PTPRN2: variants seen among roughly 807,000 people sequenced by gnomAD.
PTPRN2 encodes the protein protein tyrosine phosphatase receptor type N2.
A neutral mutation model predicts 118.8 loss-of-function variants in PTPRN2; 74 were observed. That is an observed-to-expected ratio of 0.62 (90% CI 0.52 to 0.76). The LOEUF (loss-of-function observed/expected upper bound fraction) is 0.76. Ranked by LOEUF, PTPRN2 falls within the 30% of genes least tolerant of loss-of-function variation. The pLI is 0.00. For missense variants in PTPRN2, 1,481 were observed against 1,394.4 expected, an observed-to-expected ratio of 1.06 and a Z score of -0.99; for synonymous variants, 641 against 608.0, an observed-to-expected ratio of 1.05 and a Z score of -0.80.
chr7:158,261,227 G>A (rs554167185), intron 3 of PTPRN2, among the ~76,000 whole-genome samples: 6 of 152,130 alleles, frequency 3.9e-5, no homozygotes, highest in African/African-American at 7.2e-5. Context: ...GGCCAGGGTC[G>A]GCCTGCATGC....
At chr7:158,035,131 G>A (rs1480021173) in intron 11 of PTPRN2, among the ~76,000 whole-genome samples, 1 of 152,242 alleles carries the variant, frequency 6.6e-6, no homozygotes, top group Admixed American at 6.5e-5. Flanking sequence ...GATAGTCAGT[G>A]TGTTTACACG....
intron 12 of PTPRN2, among the ~76,000 whole-genome samples, chr7:157,705,647 A>T (rs965872070): frequency 6.9e-6 from 1 of 144,298 alleles, no homozygotes; most frequent in African/African-American, 2.6e-5. Context: ...CCTTCCAGAT[A>T]AATGCGGATC....
chr7:158,054,374 C>A (rs1339039078), intron 11 of PTPRN2, among the ~76,000 whole-genome samples: 2 of 152,156 alleles, frequency 1.3e-5, no homozygotes, highest in Non-Finnish European at 2.9e-5. Context: ...GAAAGAAAGG[C>A]CACACCCTTT....
At chr7:158,161,275 A>T (rs1270447959) in intron 6 of PTPRN2, among the ~76,000 whole-genome samples, 2 of 152,234 alleles carry the variant, frequency 1.3e-5, no homozygotes, top group Non-Finnish European at 1.5e-5. Context: ...ACAATACTGA[A>T]GAAGAACAAA....
At chr7:157,980,158 C>T (rs774115186) in intron 11 of PTPRN2, among the ~76,000 whole-genome samples, 3 of 152,194 alleles carry the variant, frequency 2.0e-5, no homozygotes, top group Non-Finnish European at 4.4e-5. Context: ...CATATTATTA[C>T]ATCACTGAGG....
At chr7:158,102,403 C>T (rs899232465) in intron 10 of PTPRN2, among the ~76,000 whole-genome samples, 1 of 152,212 alleles carries the variant, frequency 6.6e-6, no homozygotes. Context: ...GGTGCAACAG[C>T]TTCCTCCCTC....
In PTPRN2 at chr7:158,546,125, C is replaced by A. The variant is rs1826265484; in HGVS notation, c.112+41433G>T. On this transcript the variant is annotated intron_variant, in intron 1 of 22. Transcript: ENST00000389418. The surrounding 1 kb of genome is among the most constrained non-coding windows in gnomAD (Gnocchi z 5.0). ...CAAACACGTGAGCCAGGTGAAGGGT[C>A]ATGCAGAAAAGCAGGACTGGGTGTG... Among the ~76,000 whole-genome samples, 2 of 152,184 alleles carry A rather than the reference C, an allele frequency of 1.3e-5. No individual in the cohort carries two copies. Among genetic ancestry groups the A allele is most frequent in the Admixed American group, 1.3e-4 (2 of 15,284 alleles).
chr7:158,079,176 T>A lies in PTPRN2; in HGVS notation c.1723+2122A>T, dbSNP rs189639231. ...TCTTATATAGCATCAGGCACGTTCATGACACCATAGAATTATTCAAAATAA... is the reference window on the plus strand; with the variant it reads ...TCTTATATAGCATCAGGCACGTTCAAGACACCATAGAATTATTCAAAATAA... On this transcript the variant is annotated intron_variant, in intron 11 of 22. Coordinates refer to ENST00000389418, the MANE Select transcript of PTPRN2 (RefSeq NM_002847.5). 2.7e-3 allele frequency among the ~76,000 whole-genome samples: 415 copies of A among 152,350 alleles called. 2 individuals are homozygous for A. The highest frequency in any genetic ancestry group is 6.8e-3 in the Middle Eastern group (2 of 294).
At chr7:158,454,214 A>ATGGT (rs1429504561) in intron 2 of PTPRN2, among the ~76,000 whole-genome samples, 14 of 152,096 alleles carry the variant, frequency 9.2e-5, no homozygotes, top group Non-Finnish European at 2.1e-4. Context: ...AGGATTGGGG[A>ATGGT]TGGTTGCTAC....
chr7:158,400,996 C>T (rs1812903678), intron 2 of PTPRN2, among the ~76,000 whole-genome samples: 1 of 152,152 alleles, frequency 6.6e-6, no homozygotes, highest in Admixed American at 6.5e-5. Context: ...CTGCGGTGGG[C>T]CCTGCTCCGC....
At chr7:158,166,212 G>A (rs939275650) in intron 6 of PTPRN2, among the ~76,000 whole-genome samples, 17 of 151,112 alleles carry the variant, frequency 1.1e-4, no homozygotes, top group Non-Finnish European at 1.9e-4. Context: ...AGTGAGAAGG[G>A]AACACACACT....
chr7:157,782,647 A>G lies in PTPRN2; in HGVS notation c.1789-99710T>C, dbSNP rs1222884686. ...ACCAACTGCCCCCAGGGGTCCCTGA[A>G]AGAACGACGAGTGTCGGTACTCCAA... On this transcript the variant is annotated intron_variant, in intron 12 of 22. Transcript: ENST00000389418. Among the ~76,000 whole-genome samples the G allele has an allele frequency of 3.9e-5, 6 of 152,264 alleles. No individual in the cohort carries two copies. The East Asian group carries it at 1.2e-3, about 29-fold the overall frequency.
At chr7:158,459,496 T>C (rs1187870749) in intron 2 of PTPRN2, among the ~76,000 whole-genome samples, 1 of 152,158 alleles carries the variant, frequency 6.6e-6, no homozygotes, top group East Asian at 1.9e-4. Flanking sequence ...GCACCACCCC[T>C]ACCTATTACT....
chr7:157,642,828 A>AAAAAC (rs1804765311), intron 14 of PTPRN2, among the ~76,000 whole-genome samples: 1 of 141,132 alleles, frequency 7.1e-6, no homozygotes, highest in East Asian at 2.0e-4. Flanking sequence ...AAAAAAAAAA[A>AAAAAC]AAAAAAAAAA....
chr7:157,771,077 C>T (rs1170741510), intron 12 of PTPRN2, among the ~76,000 whole-genome samples: 1 of 152,352 alleles, frequency 6.6e-6, no homozygotes, highest in East Asian at 1.9e-4. Flanking sequence ...GGGAAACTCG[C>T]TGCCATTCTG....
chr7:158,554,397 T>C (rs1563428138), intron 1 of PTPRN2, among the ~76,000 whole-genome samples: 1 of 152,198 alleles, frequency 6.6e-6, no homozygotes, highest in Non-Finnish European at 1.5e-5. Flanking sequence ...TTTACCAGTA[T>C]GGTAAAGAGG....
chr7:157,540,035 C>G lies in PTPRN2; in HGVS notation c.*679G>C, dbSNP rs1797942380. 6.6e-6 allele frequency: 1 copy of G among 152,206 alleles called. No individual in the cohort carries two copies. Among genetic ancestry groups the G allele is most frequent in the Non-Finnish European group, 1.5e-5 (1 of 68,038 alleles). The allele number at this position is 152,206 out of a possible 1,614,324, so 9.4% of individuals were successfully genotyped here. A position where few individuals can be genotyped will look rare whatever the true frequency, so the allele number is the denominator to read the frequency against. ...AAAGGTGAGGTCAGGGGAGTGCCAG[C>G]CTCAAGTGGGCACTACTCATGGGGT... On this transcript the variant is annotated 3_prime_UTR_variant, in exon 23 of 23. Coordinates refer to ENST00000389418, the MANE Select transcript of PTPRN2 (RefSeq NM_002847.5).
At chr7:158,082,753 C>T (rs1812933024) in intron 10 of PTPRN2, among the ~76,000 whole-genome samples, 1 of 152,220 alleles carries the variant, frequency 6.6e-6, no homozygotes, top group Non-Finnish European at 1.5e-5. Context: ...CTCTTGGTTC[C>T]CACTGTGATC....
intron 6 of PTPRN2, among the ~76,000 whole-genome samples, chr7:158,142,718 G>A (rs574452852): frequency 6.6e-6 from 1 of 152,212 alleles, no homozygotes; most frequent in Admixed American, 6.5e-5. Context: ...ACAAACTCAG[G>A]AAAATACATC....
Sources: allele counts gnomAD v4.1 joint callset (sites outside exome capture counted in the v4.1 genomes callset), GRCh38; gene constraint gnomAD v4.1.1; non-coding constraint Gnocchi (gnomAD v3.1); transcripts MANE v1.5; gene names NCBI Gene and HGNC (gene_info 2026-07-23, HGNC 2026-07-21).